NXN: variants seen among roughly 807,000 people sequenced by gnomAD.
NXN encodes the protein nucleoredoxin, also known as nucleoredoxin 1.
NXN carries 16 observed loss-of-function variants against 48.6 expected under a neutral mutation model. The ratio of observed to expected loss-of-function variants is 0.33; its 90% CI spans 0.22 to 0.50. The LOEUF is 0.50. NXN is among the 20% of genes least tolerant of loss of function. The pLI, the probability that NXN is intolerant of heterozygous loss-of-function variation, is 0.98. For missense variants in NXN, 492 were observed against 605.5 expected, an observed-to-expected ratio of 0.81 and a Z score of 1.97; for synonymous variants, 281 against 269.6, an observed-to-expected ratio of 1.04 and a Z score of -0.41.
At chr17:966,887 G>A (rs2069311937) in intron 1 of NXN, among the ~76,000 whole-genome samples, 1 of 151,982 alleles carries the variant, frequency 6.6e-6, no homozygotes, top group Non-Finnish European at 1.5e-5. Context: ...CACATCACAG[G>A]AGAAATGCTC....
chr17:918,269 T>A (rs957615745), intron 1 of NXN, among the ~76,000 whole-genome samples: 10 of 151,942 alleles, frequency 6.6e-5, no homozygotes, highest in Non-Finnish European at 1.2e-4. Flanking sequence ...CCCAAAGGGG[T>A]CTGGTCTTGA....
chr17:921,158 G>T (rs971491936), intron 1 of NXN, among the ~76,000 whole-genome samples: 1 of 152,104 alleles, frequency 6.6e-6, no homozygotes, highest in Non-Finnish European at 1.5e-5. Flanking sequence ...TCAGAGCAGC[G>T]GCTGGCACAC....
rs2069517565 is a variant in NXN, at chr17:979,754, C to CGGCGGCAGGA, written c.-77_-76insTCCTGCCGCC. The stretch of plus-strand genomic sequence containing the variant: ...GCGCGGCGGGAGGAGGCGGCGGCGT[C>CGGCGGCAGGA]GGCGGCAGGCGCTGGGGAGAGCAGA... On this transcript the variant is annotated 5_prime_UTR_variant, in exon 1 of 8. Coordinates refer to ENST00000336868, the MANE Select transcript of NXN (RefSeq NM_022463.5). 8.4e-7 allele frequency: 1 copy of CGGCGGCAGGA among 1,190,732 alleles called. No homozygotes were observed. The highest frequency in any genetic ancestry group is 1.6e-5 in the African/African-American group (1 of 61,670). The allele number at this position is 1,190,732 out of a possible 1,614,324, so 73.8% of individuals were successfully genotyped here.
At chr17:915,762 T>C (rs913116436) in intron 1 of NXN, among the ~76,000 whole-genome samples, 3 of 102,090 alleles carry the variant, frequency 2.9e-5, no homozygotes, top group African/African-American at 1.0e-4. Context: ...GCCTGACCAC[T>C]TATGGGGCCA....
intron 1 of NXN, among the ~76,000 whole-genome samples, chr17:941,363 A>G (rs2068973044): frequency 6.7e-6 from 1 of 148,640 alleles, no homozygotes; most frequent in Non-Finnish European, 1.5e-5. Context: ...ATTTACAGTG[A>G]ACAAGATTCC....
intron 5 of NXN, among the ~76,000 whole-genome samples, chr17:806,929 C>G (rs1043569805): frequency 6.7e-6 from 1 of 149,890 alleles, no homozygotes; most frequent in Non-Finnish European, 1.5e-5. Flanking sequence ...CATACACACA[C>G]ACACACACAC....
In NXN at chr17:919,996, C is replaced by T. The variant is rs1478209032; in HGVS notation, c.360+59323G>A. The stretch of plus-strand genomic sequence containing the variant: ...CTTCATCACCCATCCAGAGCAACTA[C>T]CCACTTCCACGGCCTCCTCCATGTG... On this transcript the variant is annotated intron_variant, in intron 1 of 7. Coordinates refer to ENST00000336868, the MANE Select transcript of NXN (RefSeq NM_022463.5). The surrounding 1 kb of genome is among the most constrained non-coding windows in gnomAD (Gnocchi z 5.1). 1.3e-5 allele frequency among the ~76,000 whole-genome samples: 2 copies of T among 152,152 alleles called. No homozygotes were observed. Among genetic ancestry groups the T allele is most frequent in the African/African-American group, 4.8e-5 (2 of 41,440 alleles).
intron 1 of NXN, among the ~76,000 whole-genome samples, chr17:909,121 A>C (rs2068609412): frequency 7.9e-6 from 1 of 126,498 alleles, no homozygotes; most frequent in Non-Finnish European, 1.7e-5. Context: ...AAAAAAAAAA[A>C]AAAAAACACT....
intron 1 of NXN, among the ~76,000 whole-genome samples, chr17:964,482 G>A (rs1453722416): frequency 6.6e-6 from 1 of 152,190 alleles, no homozygotes; most frequent in African/African-American, 2.4e-5. Flanking sequence ...GTATTAAGTA[G>A]CATTTTATTC....
At chr17:882,745 G>T (rs545414672) in intron 1 of NXN, among the ~76,000 whole-genome samples, 54 of 150,540 alleles carry the variant, frequency 3.6e-4, no homozygotes, top group African/African-American at 1.3e-3. Flanking sequence ...GATTATAGGC[G>T]TTAGCCACCG....
At chr17:953,438 C>G (rs1201841714) in intron 1 of NXN, among the ~76,000 whole-genome samples, 1 of 151,996 alleles carries the variant, frequency 6.6e-6, no homozygotes, top group Admixed American at 6.6e-5. Flanking sequence ...ACTATGACCC[C>G]CCTCCCACCA....
intron 1 of NXN, among the ~76,000 whole-genome samples, chr17:846,795 C>A (rs1248456776): frequency 6.6e-6 from 1 of 151,884 alleles, no homozygotes; most frequent in Non-Finnish European, 1.5e-5. Context: ...GTACTGATAA[C>A]GCTTGGTACT....
intron 1 of NXN, among the ~76,000 whole-genome samples, chr17:973,317 T>C (rs2069414040): frequency 6.6e-6 from 1 of 152,162 alleles, no homozygotes; most frequent in African/African-American, 2.4e-5. Context: ...CACCCTCCAT[T>C]TCCCACGCGA....
intron 1 of NXN, among the ~76,000 whole-genome samples, chr17:936,185 G>A (rs938545542): frequency 2.0e-5 from 3 of 150,874 alleles, no homozygotes; most frequent in African/African-American, 7.3e-5. Context: ...TCACCAGCAC[G>A]CCACTCGATT....
chr17:869,991 C>T (rs2068134505), intron 1 of NXN, among the ~76,000 whole-genome samples: 1 of 152,186 alleles, frequency 6.6e-6, no homozygotes, highest in Admixed American at 6.5e-5. Context: ...GGTGGTTGTG[C>T]TTCCCACGGG....
At chr17:824,036 A>T (rs867337026) in intron 2 of NXN, among the ~76,000 whole-genome samples, 8 of 116,790 alleles carry the variant, frequency 6.8e-5, no homozygotes, top group African/African-American at 1.7e-4. Flanking sequence ...TTCCAGGGAC[A>T]TTTTTTTTTT....
At chr17:858,455 C>T (rs573320766) in intron 1 of NXN, among the ~76,000 whole-genome samples, 2 of 152,192 alleles carry the variant, frequency 1.3e-5, no homozygotes, top group South Asian at 2.1e-4. Flanking sequence ...AGGCTGGGCG[C>T]GGTGGCTCAC....
chr17:836,535 C>T (rs909816563), intron 1 of NXN, among the ~76,000 whole-genome samples: 1 of 152,002 alleles, frequency 6.6e-6, no homozygotes, highest in African/African-American at 2.4e-5. Flanking sequence ...AGCAGGAATC[C>T]CCCTCATCCC....
rs536711474 is a variant in NXN at position 974,962 on chromosome 17, G to A, written c.360+4357C>T. Among the ~76,000 whole-genome samples the A allele has an allele frequency of 2.6e-5, 4 of 152,092 alleles. No individual in the cohort carries two copies. The South Asian group carries it at 8.3e-4, about 32-fold the overall frequency. Reference sequence around the variant, plus strand: ...CTGCCTCAGCCTCCCGAGTAGCTGGGACCACAGGTACCCACCACTGTGACC... The same window carrying A: ...CTGCCTCAGCCTCCCGAGTAGCTGGAACCACAGGTACCCACCACTGTGACC... On this transcript the variant is annotated intron_variant, in intron 1 of 7. Transcript: ENST00000336868.
Sources: allele counts gnomAD v4.1 joint callset (sites outside exome capture counted in the v4.1 genomes callset), GRCh38; gene constraint gnomAD v4.1.1; non-coding constraint Gnocchi (gnomAD v3.1); transcripts MANE v1.5; gene names NCBI Gene and HGNC (gene_info 2026-07-23, HGNC 2026-07-21).